YIPF1: variants seen among roughly 807,000 people sequenced by gnomAD.
YIPF1 encodes Yip1 domain family member 1.
A neutral mutation model predicts 37.0 loss-of-function variants in YIPF1; 22 were observed. The observed-to-expected ratio is 0.59, with a 90% CI of 0.42 to 0.85. YIPF1 has a LOEUF of 0.85. Among genes scored for constraint, YIPF1 ranks in the 40% least tolerant of loss-of-function variants. The pLI is 0.00. For missense variants in YIPF1, 355 were observed against 373.1 expected, an observed-to-expected ratio of 0.95 and a Z score of 0.40; for synonymous variants, 128 against 131.9, an observed-to-expected ratio of 0.97 and a Z score of 0.21.
At chr1:53,859,345 A>G (rs1649805259) in intron 10 of YIPF1, among the ~76,000 whole-genome samples, 1 of 152,226 alleles carries the variant, frequency 6.6e-6, no homozygotes, top group South Asian at 2.1e-4. Flanking sequence ...TACAAAGTGT[A>G]ATGGGATCAC....
At chr1:53,863,903 C>T (rs1649951048) in intron 9 of YIPF1, among the ~76,000 whole-genome samples, 1 of 152,086 alleles carries the variant, frequency 6.6e-6, no homozygotes, top group Non-Finnish European at 1.5e-5. Context: ...CCATACCTGG[C>T]TGATTTTTTT....
At chr1:53,872,122 T>A (rs565755249) in intron 6 of YIPF1, among the ~76,000 whole-genome samples, 1 of 151,126 alleles carries the variant, frequency 6.6e-6, no homozygotes, top group African/African-American at 2.4e-5. Context: ...AATTAAAAAT[T>A]AAAAAAAGTA....
chr1:53,883,348 G>A, intron 3 of YIPF1, 72 bp from the exon 4 acceptor site: 1 of 1,422,726 alleles, frequency 7.0e-7, no homozygotes, highest in Non-Finnish European at 9.2e-7. Flanking sequence ...TGAATTTAAA[G>A]ACAAGCTGTC....
chr1:53,864,093 C>T (rs1017675165), intron 9 of YIPF1, among the ~76,000 whole-genome samples: 1 of 152,174 alleles, frequency 6.6e-6, no homozygotes, highest in Admixed American at 6.5e-5. Context: ...CACTGCTCAA[C>T]CTGCCCTGCT....
Position 53,889,718 on chromosome 1 carries a change from G to A in YIPF1, c.-275C>T, listed in dbSNP as rs1015342830. ...CGCAAACTCGGCAGCCTCACCTCGC[G>A]GGGTTAGGCGTCCCCCGGGTCCCGA... On this transcript the variant is annotated 5_prime_UTR_variant, in exon 1 of 11. Coordinates refer to ENST00000072644, the MANE Select transcript of YIPF1 (RefSeq NM_018982.5). 6.6e-6 allele frequency: 1 copy of A among 152,252 alleles called. No individual in the cohort carries two copies. The highest frequency in any genetic ancestry group is 1.5e-5 in the Non-Finnish European group (1 of 68,084). The allele number at this position is 152,252 out of a possible 1,614,324, so 9.4% of individuals were successfully genotyped here.
At position 53,852,256 on chromosome 1, in the gene YIPF1, A is replaced by G. The variant is rs1336473919; in HGVS notation, c.*23T>C. The G allele has an allele frequency of 6.6e-6, 1 of 152,214 alleles. No homozygotes were observed. The highest frequency in any genetic ancestry group is 2.4e-5 in the African/African-American group (1 of 41,428). 9.4% of individuals were successfully genotyped at this position (152,214 alleles called of 1,614,324 possible). A position where few individuals can be genotyped will look rare whatever the true frequency, so the allele number is the denominator to read the frequency against. ...CCACTTCCCAAAGAACCATGCTCCA[A>G]AAAACAAAAGAGAACTGAAAAACAA... On this transcript the variant is annotated 3_prime_UTR_variant, in exon 11 of 11. Coordinates refer to ENST00000072644, the MANE Select transcript of YIPF1 (RefSeq NM_018982.5).
intron 6 of YIPF1, 135 bp from the exon 7 acceptor site, chr1:53,871,623 C>G: frequency 1.4e-6 from 1 of 702,928 alleles, no homozygotes; most frequent in Non-Finnish European, 2.3e-6. Flanking sequence ...TCAACACTTG[C>G]TGAAGGGAAA....
In YIPF1 at chr1:53,883,124, C is replaced by T. The variant is rs1557611037; in HGVS notation, c.184G>A (p.Asp62Asn). 3 of 1,572,102 alleles carry T rather than the reference C, an allele frequency of 1.9e-6. No individual in the cohort carries two copies. ...AGACAAGTTCAAACCTCAGTTTTGT[C>T]AGAGTCATCATTTCCCAGTAACTCA... ...DDELLGNDDSDKTELLAGQKK... is the reference protein window; with the variant it reads ...DDELLGNDDSNKTELLAGQKK... Residue 62 changes from aspartate (D) to asparagine (N), a missense_variant, in exon 4 of 11, where the codon GAC (aspartate) becomes AAC (asparagine). By Grantham distance (23) the Asp-to-Asn change is conservative. Transcript: ENST00000072644.
chr1:53,852,779 G>A (rs1349113769), intron 10 of YIPF1, among the ~76,000 whole-genome samples: 4 of 127,214 alleles, frequency 3.1e-5, no homozygotes, highest in East Asian at 2.9e-4. Flanking sequence ...GGCAATAGGG[G>A]GCCAAAAAAA....
chr1:53,866,235 CA>C lies in YIPF1; in HGVS notation c.795del (p.Ile265MetfsTer67), dbSNP rs1442591408. On this transcript the variant is annotated frameshift_variant, in exon 9 of 11. Transcript: ENST00000072644. LOFTEE classifies it high-confidence loss of function. ...ACAGAAAGCAGCATATGGAGCAACA[CA>C]ATTGTCACAATTGTGGCCAATGCAA... ...RRVALATIVT[I>X]VLLHMLLSVG... 14 of 1,614,028 alleles carry C rather than the reference CA, an allele frequency of 8.7e-6. No homozygotes were observed. Among genetic ancestry groups the C allele is most frequent in the Non-Finnish European group, 1.2e-5 (14 of 1,180,014 alleles).
intron 9 of YIPF1, among the ~76,000 whole-genome samples, chr1:53,864,131 A>G (rs1264099457): frequency 6.6e-6 from 1 of 152,180 alleles, no homozygotes; most frequent in Non-Finnish European, 1.5e-5. Context: ...TGAGAAGGGC[A>G]ATGCCTCCTC....
rs377631819 is a variant in YIPF1 at position 53,867,018 on chromosome 1, T to C, written c.482-94A>G. ...ACCTTATTGTACTTAAATGCTAACA[T>C]GTCAATTGACTTCAGTGGACCACGG... is the stretch of plus-strand genomic sequence containing the variant. On this transcript the variant is annotated intron_variant, in intron 7 of 10. Transcript: ENST00000072644. 65 of 1,437,570 alleles carry C rather than the reference T, an allele frequency of 4.5e-5. No individual in the cohort carries two copies. The East Asian group carries it at 6.7e-4, about 15-fold the overall frequency. The allele number at this position is 1,437,570 out of a possible 1,614,324, so 89.1% of individuals were successfully genotyped here.
At chr1:53,888,813 C>T in intron 3 of YIPF1, 94 bp downstream of exon 3, 2 of 1,217,604 alleles carry the variant, frequency 1.6e-6, no homozygotes, top group Non-Finnish European at 2.3e-6. Context: ...AAATAATATC[C>T]TTCAATGTGT....
At chr1:53,869,064 T>G (rs1650104201) in intron 7 of YIPF1, among the ~76,000 whole-genome samples, 1 of 151,526 alleles carries the variant, frequency 6.6e-6, no homozygotes, top group Non-Finnish European at 1.5e-5. Context: ...GACTCCATGA[T>G]GGACAAGAAG....
At chr1:53,859,876 C>G (rs974086191) in intron 10 of YIPF1, among the ~76,000 whole-genome samples, 180 bp downstream of exon 10, 1 of 152,120 alleles carries the variant, frequency 6.6e-6, no homozygotes, top group Non-Finnish European at 1.5e-5. Flanking sequence ...GATTTCAAAA[C>G]AGAGGACTTC....
At chr1:53,870,587 G>C (rs1569626862) in intron 7 of YIPF1, among the ~76,000 whole-genome samples, 1 of 152,096 alleles carries the variant, frequency 6.6e-6, no homozygotes, top group African/African-American at 2.4e-5. Context: ...GATGACCCCA[G>C]CTAGTTGAGC....
At chr1:53,883,427 A>C in intron 3 of YIPF1, 151 bp from the exon 4 acceptor site, 1 of 760,684 alleles carries the variant, frequency 1.3e-6, no homozygotes, top group Non-Finnish European at 1.9e-6. Flanking sequence ...AAAAAATCTC[A>C]TCAGGAGATC....
intron 3 of YIPF1, among the ~76,000 whole-genome samples, chr1:53,885,400 T>C (rs1474643700): frequency 6.6e-6 from 1 of 152,132 alleles, no homozygotes; most frequent in Admixed American, 6.6e-5. Flanking sequence ...CCCAGCTACT[T>C]GGGACGCTGA....
intron 7 of YIPF1, among the ~76,000 whole-genome samples, chr1:53,869,131 TTC>T (rs759374987): frequency 0.023 from 3,176 of 139,112 alleles, 98 homozygotes; most frequent in East Asian, 0.15. Context: ...CATGGATACA[TTC>T]TCTCTCTCTC....
Sources: allele counts gnomAD v4.1 joint callset (sites outside exome capture counted in the v4.1 genomes callset), GRCh38; gene constraint gnomAD v4.1.1; transcripts MANE v1.5; gene names NCBI Gene and HGNC (gene_info 2026-07-23, HGNC 2026-07-21).